The following RALGDS variants were observed in gnomAD, a reference collection of about 807,000 sequenced individuals.
RALGDS encodes ral guanine nucleotide dissociation stimulator.
Under a neutral mutation model 99.8 loss-of-function variants are expected in RALGDS, and 44 were observed. The observed-to-expected ratio is 0.44, with a 90% confidence interval of 0.35 to 0.57. The LOEUF (loss-of-function observed/expected upper bound fraction) is 0.57. Ranked by LOEUF, RALGDS falls within the 20% of genes least tolerant of loss-of-function variation. RALGDS has a pLI of 0.01. For synonymous variants in RALGDS, 529 were observed against 505.0 expected (o/e 1.05, Z -0.64); for missense variants, 1,022 against 1,203.1 (o/e 0.85, Z 2.23).
In RALGDS at chr9:133,121,121, G is replaced by T. The variant is rs1440886232; in HGVS notation, c.34C>A (p.Pro12Thr). Residue 12 changes from proline (P) to threonine (T), a missense_variant, in exon 1 of 18, where the codon CCT becomes ACT. By Grantham distance (38) the Pro-to-Thr change is conservative. Around this residue, in one of 3 missense-constraint regions of RALGDS, gnomAD observed 180 missense variants for 169.3 expected, o/e 1.06. Transcript: ENST00000372050. ...VQRMWAEAAG[P>T]AGGAEPLFPG... ...AACAGCGGCTCGGCGCCGCCAGCAG[G>T]CCCGGCCGCCTCGGCCCACATGCGC... 1 of 1,460,456 alleles carries T rather than the reference G, an allele frequency of 6.8e-7. No individual in the cohort carries two copies. Among genetic ancestry groups the T allele is most frequent in the South Asian group, 1.3e-5 (1 of 77,054 alleles). 90.5% of individuals were successfully genotyped at this position (1,460,456 alleles called of 1,614,324 possible). A position where few individuals can be genotyped will look rare whatever the true frequency, so the allele number is the denominator to read the frequency against.
chr9:133,114,272 G>A (rs1831487956), intron 1 of RALGDS, among the ~76,000 whole-genome samples: 2 of 152,314 alleles, frequency 1.3e-5, no homozygotes, highest in Non-Finnish European at 2.9e-5. Flanking sequence ...CGTGGAGCTG[G>A]CCTGTCTTCT....
intron 6 of RALGDS, 44 bp downstream of exon 6, chr9:133,107,944 C>T (rs1204738390): frequency 6.2e-7 from 1 of 1,608,900 alleles, no homozygotes; most frequent in Non-Finnish European, 8.5e-7. Flanking sequence ...CAGATGCTGC[C>T]AGAAGGCAGG....
upstream of RALGDS, among the ~76,000 whole-genome samples, chr9:133,124,294 A>G (rs1158519753): frequency 6.6e-6 from 1 of 152,066 alleles, no homozygotes; most frequent in Non-Finnish European, 1.5e-5. Context: ...ACACACATTT[A>G]GAGACGGAGA....
intron 9 of RALGDS, among the ~76,000 whole-genome samples, chr9:133,105,728 C>CA (rs1479371798): frequency 6.6e-6 from 1 of 152,156 alleles, no homozygotes; most frequent in East Asian, 1.9e-4. Context: ...CCCTGTCCCT[C>CA]AAACACCCAG....
chr9:133,107,123 T>C lies in RALGDS; in HGVS notation c.1375A>G (p.Arg459Gly), dbSNP rs1831104425. The part of the protein sequence containing the change: ...LGNRSTKAPD[R>G]ARVVEHWIEV... ...ATCCAGTGCTCCACCACCCTGGCCC[T>C]GTCTGGGGCTTTCGTGCTTCGGTTC... The change falls in exon 7 of 18, where the codon AGG (arginine) becomes GGG (glycine). Residue 459 changes from arginine (R) to glycine (G), a missense_variant. Arg to Gly is a moderately radical substitution (Grantham distance 125). This residue lies in a region of RALGDS where 825 missense variants were observed against 994.5 expected (regional missense o/e 0.83). Transcript: ENST00000372050. The C allele has an allele frequency of 6.2e-7, 1 of 1,613,594 alleles. No individual in the cohort carries two copies. The highest frequency in any genetic ancestry group is 1.3e-5 in the African/African-American group (1 of 74,958).
At chr9:133,110,230 C>T (rs370589077) in intron 3 of RALGDS, 66 bp downstream of exon 3, 146 of 1,506,328 alleles carry the variant, frequency 9.7e-5, no homozygotes, top group Middle Eastern at 5.2e-4. Context: ...TGCCAAGACC[C>T]GCAGCCAGGT....
At chr9:133,145,859 A>C (rs948861460) in intron 1 of RALGDS, among the ~76,000 whole-genome samples, 2 of 152,220 alleles carry the variant, frequency 1.3e-5, no homozygotes, top group Non-Finnish European at 2.9e-5. Context: ...GCTGCCTCAC[A>C]GACTTAGAGA....
intron 9 of RALGDS, 147 bp from the exon 10 acceptor site, chr9:133,104,478 C>T (rs558847795): frequency 5.6e-6 from 4 of 709,048 alleles, no homozygotes; most frequent in Non-Finnish European, 9.9e-6. Context: ...GTGGCCTGGC[C>T]TTCCTGAGCC....
chr9:133,107,128 G>A lies in RALGDS; in HGVS notation c.1370C>T (p.Pro457Leu). ...GTGCTCCACCACCCTGGCCCTGTCT[G>A]GGGCTTTCGTGCTTCGGTTCCCGAG... ...TCLGNRSTKA[P>L]DRARVVEHWI... The change falls in exon 7 of 18, where the codon CCA becomes CTA. Residue 457 changes from proline (P) to leucine (L), a missense_variant. Physicochemically the swap from Pro to Leu is moderately conservative, Grantham distance 98 (BLOSUM62 -3). Around this residue, in one of 3 missense-constraint regions of RALGDS, gnomAD observed 825 missense variants for 994.5 expected, o/e 0.83. Transcript: ENST00000372050. The A allele has an allele frequency of 6.2e-7, 1 of 1,613,764 alleles. No individual in the cohort carries two copies. The highest frequency in any genetic ancestry group is 8.5e-7 in the Non-Finnish European group (1 of 1,180,048).
Position 133,100,365 on chromosome 9 carries a change from C to A in RALGDS, c.2472G>T (p.Lys824Asn). ...YKSILVTSQD[K>N]APAVIRKAMD... ...TGGCCTTGCGGATTACAGCCGGAGC[C>A]TTATCTTGGCTGGTCACCTGCATCG... The change falls in exon 17 of 18, where the codon AAG (lysine) becomes AAT (asparagine). Residue 824 changes from lysine (K) to asparagine (N), a missense_variant. Physicochemically the swap from Lys to Asn is moderately conservative, Grantham distance 94. This residue lies in a region of RALGDS where 825 missense variants were observed against 994.5 expected (regional missense o/e 0.83). Coordinates refer to ENST00000372050, the MANE Select transcript of RALGDS (RefSeq NM_006266.4). The A allele has an allele frequency of 6.2e-7, 1 of 1,614,186 alleles. No homozygotes were observed. The highest frequency in any genetic ancestry group is 8.5e-7 in the Non-Finnish European group (1 of 1,180,012).
At chr9:133,132,339 G>A (rs1438480610), upstream of RALGDS, among the ~76,000 whole-genome samples, 5 of 152,168 alleles carry the variant, frequency 3.3e-5, no homozygotes, top group Non-Finnish European at 7.4e-5. Flanking sequence ...GCAGGGATCC[G>A]AGGCTGTCCC....
At chr9:133,116,582 G>A (rs1204903647) in intron 1 of RALGDS, among the ~76,000 whole-genome samples, 3 of 152,246 alleles carry the variant, frequency 2.0e-5, no homozygotes, top group Non-Finnish European at 2.9e-5. Context: ...GGCCAGGCCC[G>A]GGAGGGGCGT....
intron 3 of RALGDS, 44 bp downstream of exon 3, chr9:133,110,252 C>T (rs1379721884): frequency 5.1e-6 from 8 of 1,575,080 alleles, no homozygotes; most frequent in Admixed American, 3.3e-5. Context: ...GGGGTGGGGG[C>T]GAGGGCCCCT....
Position 133,108,966 on chromosome 9 carries a change from C to T in RALGDS, c.585-100G>A, listed in dbSNP as rs574386906. 131 of 1,187,406 alleles carry T rather than the reference C, an allele frequency of 1.1e-4. No homozygotes were observed. In the South Asian group the frequency reaches 1.4e-3, roughly 13 times the overall value. 73.6% of individuals were successfully genotyped at this position (1,187,406 alleles called of 1,614,324 possible). A position where few individuals can be genotyped will look rare whatever the true frequency, so the allele number is the denominator to read the frequency against. Reference sequence around the variant, plus strand: ...CTGTCCATCTGAAGGCCACCTGCCCCGGCCCAAGCCCCCTTGGCTGTCCAG... The same window carrying T: ...CTGTCCATCTGAAGGCCACCTGCCCTGGCCCAAGCCCCCTTGGCTGTCCAG... On this transcript the variant is annotated intron_variant, in intron 4 of 17. Transcript: ENST00000372050.
At chr9:133,140,584 C>A (rs951343710) in intron 1 of RALGDS, among the ~76,000 whole-genome samples, 9 of 152,104 alleles carry the variant, frequency 5.9e-5, no homozygotes, top group African/African-American at 2.2e-4. Flanking sequence ...TGGGTCCCGG[C>A]CCCCCTTATC....
At chr9:133,125,971 C>G (rs79778048), upstream of RALGDS, among the ~76,000 whole-genome samples, 1 of 152,156 alleles carries the variant, frequency 6.6e-6, no homozygotes, top group Non-Finnish European at 1.5e-5. Flanking sequence ...AACCCGAGTC[C>G]GGATGCCCAC....
At chr9:133,099,565 T>TATATACATGCATATATATACACACAC (rs1245663936) in intron 17 of RALGDS, 2 of 152,590 alleles carry the variant, frequency 1.3e-5, no homozygotes, top group South Asian at 4.1e-4. Context: ...AGATGCTTTA[T>TATATACATGCATATATATACACACAC]ATATACATGC....
At chr9:133,135,144 A>T (rs1588568918), upstream of RALGDS, among the ~76,000 whole-genome samples, 1 of 152,008 alleles carries the variant, frequency 6.6e-6, no homozygotes, top group South Asian at 2.1e-4. Context: ...AAGGCTACAC[A>T]CCCCAGTGGG....
chr9:133,146,830 G>A (rs974474753), intron 1 of RALGDS, among the ~76,000 whole-genome samples: 1 of 152,178 alleles, frequency 6.6e-6, no homozygotes, highest in African/African-American at 2.4e-5. Context: ...ACCAAGGGAG[G>A]GCCCCCACCA....
Sources: allele counts gnomAD v4.1 joint callset (sites outside exome capture counted in the v4.1 genomes callset), GRCh38; gene constraint gnomAD v4.1.1; regional missense constraint gnomAD v4.1.1; transcripts MANE v1.5; gene names NCBI Gene and HGNC (gene_info 2026-07-23, HGNC 2026-07-21).